The following CSMD1 variants were observed in gnomAD, a reference collection of about 807,000 sequenced individuals.
CSMD1 encodes CUB and sushi domain-containing protein 1.
In CSMD1, 213 loss-of-function variants were observed where a neutral mutation model predicts 417.5. The ratio of observed to expected loss-of-function variants is 0.51; its 90% CI spans 0.46 to 0.57. The LOEUF (loss-of-function observed/expected upper bound fraction) is 0.57, where lower values mean the gene tolerates loss of function less well. Ranked by LOEUF, CSMD1 falls within the 20% of genes least tolerant of loss-of-function variation. The pLI, the probability that CSMD1 is intolerant of heterozygous loss-of-function variation, is 0.00. For synonymous variants in CSMD1, 2,862 were observed against 1,736.8 expected (o/e 1.65, Z -16.11); for missense variants, 6,923 against 4,529.7 (o/e 1.53, Z -15.17).
intron 23 of CSMD1, among the ~76,000 whole-genome samples, chr8:3,308,732 G>GTTTTTTTTTTT (rs5888961): frequency 2.3e-3 from 254 of 108,908 alleles, no homozygotes; most frequent in East Asian, 4.3e-3. Flanking sequence ...CTACTTACAA[G>GTTTTTTTTTTT]TTTTTTTTTT....
chr8:3,858,941 C>A (rs765888695), intron 5 of CSMD1, among the ~76,000 whole-genome samples: 2 of 152,184 alleles, frequency 1.3e-5, no homozygotes, highest in African/African-American at 4.8e-5. Flanking sequence ...AAGTCAGTTT[C>A]AGCAGTGGAA....
chr8:4,122,044 A>G (rs891025817), intron 3 of CSMD1, among the ~76,000 whole-genome samples: 1 of 152,022 alleles, frequency 6.6e-6, no homozygotes, highest in Non-Finnish European at 1.5e-5. Flanking sequence ...TTGTATAACT[A>G]CATGTTCCTT....
At chr8:4,609,402 G>C (rs1431434851) in intron 2 of CSMD1, among the ~76,000 whole-genome samples, 1 of 152,100 alleles carries the variant, frequency 6.6e-6, no homozygotes. Context: ...CCCTGTCTCA[G>C]AAAAACAAAA....
chr8:4,905,925 T>C (rs1032191463), intron 1 of CSMD1, among the ~76,000 whole-genome samples: 11 of 152,060 alleles, frequency 7.2e-5, no homozygotes. Flanking sequence ...CTCTTTCCTT[T>C]CACCAGTCCC....
At chr8:3,642,337 T>G (rs1459137284) in intron 7 of CSMD1, among the ~76,000 whole-genome samples, 1 of 152,156 alleles carries the variant, frequency 6.6e-6, no homozygotes, top group Non-Finnish European at 1.5e-5. Flanking sequence ...CCCACCTTGG[T>G]GCTGTGGGGA....
chr8:4,332,119 AC>A (rs1377362880), intron 3 of CSMD1, among the ~76,000 whole-genome samples: 1 of 152,112 alleles, frequency 6.6e-6, no homozygotes, highest in African/African-American at 2.4e-5. Flanking sequence ...GCATAATTCT[AC>A]CCCAAAGTTG....
At chr8:3,572,226 T>C (rs1799974466) in intron 10 of CSMD1, among the ~76,000 whole-genome samples, 1 of 152,034 alleles carries the variant, frequency 6.6e-6, no homozygotes, top group Admixed American at 6.5e-5. Context: ...TCAGTCCAAG[T>C]GGGGCTGTGT....
At chr8:3,093,694 C>T (rs1235303575) in intron 47 of CSMD1, among the ~76,000 whole-genome samples, 1 of 151,882 alleles carries the variant, frequency 6.6e-6, no homozygotes, top group Non-Finnish European at 1.5e-5. Flanking sequence ...CTGTTGAAGC[C>T]ACTCAATTTA....
intron 1 of CSMD1, 67 bp from the exon 2 acceptor site, chr8:4,637,625 T>C: frequency 1.2e-6 from 1 of 821,432 alleles, no homozygotes; most frequent in Non-Finnish European, 1.9e-6. Context: ...ATTTAAAAAA[T>C]TTCTAAACAC....
At chr8:4,377,037 G>A (rs993419589) in intron 3 of CSMD1, among the ~76,000 whole-genome samples, 6 of 152,078 alleles carry the variant, frequency 3.9e-5, no homozygotes, top group East Asian at 3.8e-4. Context: ...TGGCCTCGTC[G>A]GTTTCAGATT....
At chr8:3,531,438 C>A (rs536922707) in intron 10 of CSMD1, among the ~76,000 whole-genome samples, 1 of 152,114 alleles carries the variant, frequency 6.6e-6, no homozygotes, top group Non-Finnish European at 1.5e-5. Flanking sequence ...ATGTGATAAA[C>A]ATCACCCCTC....
chr8:4,249,252 T>G (rs757331744), intron 3 of CSMD1, among the ~76,000 whole-genome samples: 1 of 152,206 alleles, frequency 6.6e-6, no homozygotes, highest in African/African-American at 2.4e-5. Context: ...CAAACATTTC[T>G]CTTTTATTAT....
At chr8:4,112,644 T>A (rs1016399898) in intron 3 of CSMD1, among the ~76,000 whole-genome samples, 2 of 152,182 alleles carry the variant, frequency 1.3e-5, no homozygotes, top group Non-Finnish European at 2.9e-5. Flanking sequence ...CCAAAGGGGA[T>A]CCTGCCCCAA....
At chr8:3,907,920 CAT>C (rs1275973362) in intron 5 of CSMD1, among the ~76,000 whole-genome samples, 2 of 152,180 alleles carry the variant, frequency 1.3e-5, no homozygotes, top group Non-Finnish European at 2.9e-5. Flanking sequence ...CTGGAAACAA[CAT>C]GCATTCACTG....
At position 3,787,015 on chromosome 8, in the gene CSMD1, A is replaced by G. The variant is rs74511147; in HGVS notation, c.819-32973T>C. On this transcript the variant is annotated intron_variant, in intron 5 of 69. Coordinates refer to ENST00000635120, the MANE Select transcript of CSMD1 (RefSeq NM_033225.6). The stretch of plus-strand genomic sequence containing the variant: ...ATGGAAGCTGAGGGTCAGGATCTGA[A>G]GTCTAACTTAAGTAACTTCTATGTG... Among the ~76,000 whole-genome samples the G allele has an allele frequency of 7.7e-3, 1,178 of 152,266 alleles. 19 individuals are homozygous for G. The highest frequency in any genetic ancestry group is 0.027 in the African/African-American group (1,141 of 41,548).
chr8:4,167,089 TA>T (rs2131120086), intron 3 of CSMD1, among the ~76,000 whole-genome samples: 1 of 152,280 alleles, frequency 6.6e-6, no homozygotes, highest in East Asian at 1.9e-4. Context: ...TATCTGTAGA[TA>T]AATGTAAAAC....
intron 1 of CSMD1, among the ~76,000 whole-genome samples, chr8:4,991,693 C>T (rs1335007202): frequency 6.6e-6 from 1 of 152,046 alleles, no homozygotes; most frequent in Non-Finnish European, 1.5e-5. Flanking sequence ...CCGACGCCCC[C>T]GGGGGGAGGC....
intron 1 of CSMD1, among the ~76,000 whole-genome samples, chr8:4,772,952 T>C (rs745306602): frequency 5.3e-5 from 8 of 152,188 alleles, no homozygotes; most frequent in Non-Finnish European, 8.8e-5. Context: ...TGCTGGAATA[T>C]AACACATGGG....
intron 26 of CSMD1, among the ~76,000 whole-genome samples, chr8:3,248,732 C>T (rs537485816): frequency 6.6e-6 from 1 of 152,172 alleles, no homozygotes; most frequent in South Asian, 2.1e-4. Context: ...ACAGCTTTGA[C>T]TAACACGTTC....
Sources: gnomAD v4.1 joint callset for allele counts (sites outside exome capture counted in the v4.1 genomes callset) on GRCh38, gnomAD v4.1.1 for gene constraint, MANE v1.5 for transcripts, NCBI Gene and HGNC (gene_info 2026-07-23, HGNC 2026-07-21) for gene names.